GRSF1: variants seen among roughly 807,000 people sequenced by gnomAD.
The protein encoded by GRSF1 is G-rich sequence factor 1.
A neutral mutation model predicts 51.1 loss-of-function variants in GRSF1; 50 were observed. The ratio of observed to expected loss-of-function variants is 0.98; its 90% CI spans 0.78 to 1.24. The LOEUF is 1.24. GRSF1 is among the 50% of genes most tolerant of loss of function. The pLI is 0.00. For missense variants in GRSF1, 700 were observed against 639.7 expected, an observed-to-expected ratio of 1.09 and a Z score of -1.02; for synonymous variants, 293 against 253.3, an observed-to-expected ratio of 1.16 and a Z score of -1.49.
At position 70,825,280 on chromosome 4, in the gene GRSF1, C is replaced by A; in HGVS notation, c.1393+16G>T. 2 of 1,577,294 alleles carry A rather than the reference C, an allele frequency of 1.3e-6. No individual in the cohort carries two copies. Among genetic ancestry groups the A allele is most frequent in the Non-Finnish European group, 8.6e-7 (1 of 1,156,372 alleles). ...AAGCATCAAAAATGACAACAAAAGC[C>A]AAAGGCAGGACTTACGAACGTGGGA... On this transcript the variant is annotated intron_variant, in intron 8 of 9. Transcript: ENST00000254799.
At chr4:70,827,817 G>C (rs776405577) in intron 6 of GRSF1, 35 bp downstream of exon 6, 4 of 1,436,190 alleles carry the variant, frequency 2.8e-6, no homozygotes, top group Non-Finnish European at 3.8e-6. Context: ...ATTCAAGATA[G>C]ACCCAATGAG....
chr4:70,827,886 T>C lies in GRSF1; in HGVS notation c.1101A>G (p.Gln367=). 1.2e-6 allele frequency: 2 copies of C among 1,613,286 alleles called. No homozygotes were observed. The highest frequency in any genetic ancestry group is 1.7e-6 in the Non-Finnish European group (2 of 1,179,518). Reference sequence around the variant, plus strand: ...TCTCACTTTCAAAAGCTGTCATGGGTTGAATATCCTCATTTACTTCATGTT... The same window carrying C: ...TCTCACTTTCAAAAGCTGTCATGGGCTGAATATCCTCATTTACTTCATGTT... ...FEEHEVNEDI[Q]PMTAFESEKE... is the part of the protein sequence containing the mutation. Residue 367 remains glutamine (Q), a synonymous_variant, in exon 6 of 10, where the codon CAA becomes CAG. Transcript: ENST00000254799.
At chr4:70,831,508 C>T (rs766278336) in intron 5 of GRSF1, 31 bp downstream of exon 5, 3 of 1,595,774 alleles carry the variant, frequency 1.9e-6, no homozygotes, top group East Asian at 4.5e-5. Flanking sequence ...ATGTGTAACA[C>T]TTCTGCATCA....
In GRSF1 at chr4:70,819,473, A is replaced by C. The variant is rs1733426756; in HGVS notation, c.*1414T>G. ...ACTTATATTAATATAGCAGGACTTGAGGTAATAATATATTCAGTTGACTCA... is the reference window on the plus strand; with the variant it reads ...ACTTATATTAATATAGCAGGACTTGCGGTAATAATATATTCAGTTGACTCA... On this transcript the variant is annotated 3_prime_UTR_variant, in exon 10 of 10. Coordinates refer to ENST00000254799, the MANE Select transcript of GRSF1 (RefSeq NM_002092.4). 1 of 152,206 alleles carries C rather than the reference A, an allele frequency of 6.6e-6. No individual in the cohort carries two copies. Among genetic ancestry groups the C allele is most frequent in the African/African-American group, 2.4e-5 (1 of 41,454 alleles). 9.4% of individuals were successfully genotyped at this position (152,206 alleles called of 1,614,324 possible).
intron 2 of GRSF1, among the ~76,000 whole-genome samples, chr4:70,834,712 C>T (rs1297249987): frequency 6.6e-6 from 1 of 152,118 alleles, no homozygotes; most frequent in African/African-American, 2.4e-5. Flanking sequence ...ACCTCCGCCT[C>T]CCAGATTCAA....
rs1008567701 is a variant in GRSF1, at chr4:70,820,047, T to C, written c.*840A>G. 1 of 152,362 alleles carries C rather than the reference T, an allele frequency of 6.6e-6. No homozygotes were observed. Among genetic ancestry groups the C allele is most frequent in the Non-Finnish European group, 1.5e-5 (1 of 68,028 alleles). The allele number at this position is 152,362 out of a possible 1,614,324, so 9.4% of individuals were successfully genotyped here. Reference sequence around the variant, plus strand: ...TTTCCTATCTAGAGCTGGTTTAAATTCAAGTGAAGCCATTAATTTTCTTAC... The same window carrying C: ...TTTCCTATCTAGAGCTGGTTTAAATCCAAGTGAAGCCATTAATTTTCTTAC... On this transcript the variant is annotated 3_prime_UTR_variant, in exon 10 of 10. Coordinates refer to ENST00000254799, the MANE Select transcript of GRSF1 (RefSeq NM_002092.4).
At chr4:70,832,055 GAA>G (rs1188209848) in intron 4 of GRSF1, among the ~76,000 whole-genome samples, 1 of 151,950 alleles carries the variant, frequency 6.6e-6, no homozygotes, top group African/African-American at 2.4e-5. Context: ...ACTATTATGA[GAA>G]GTTATTTCCT....
At chr4:70,841,125 G>T (rs1180358090), upstream of GRSF1, among the ~76,000 whole-genome samples, 5 of 152,006 alleles carry the variant, frequency 3.3e-5, no homozygotes, top group Non-Finnish European at 5.9e-5. Flanking sequence ...GGGAGACCCC[G>T]TCTATACAAA....
chr4:70,842,965 G>A (rs1024354654), upstream of GRSF1, among the ~76,000 whole-genome samples: 31 of 152,004 alleles, frequency 2.0e-4, no homozygotes, highest in African/African-American at 5.8e-4. Flanking sequence ...CCCTAAAACC[G>A]GAGCCCACAA....
chr4:70,840,740 G>A (rs1254921517), upstream of GRSF1, among the ~76,000 whole-genome samples: 2 of 152,158 alleles, frequency 1.3e-5, no homozygotes, highest in Non-Finnish European at 2.9e-5. Flanking sequence ...TGCAGCCTGG[G>A]CGACAGAGTG....
intron 2 of GRSF1, among the ~76,000 whole-genome samples, chr4:70,834,863 T>G (rs1391367542): frequency 6.6e-6 from 1 of 152,040 alleles, no homozygotes; most frequent in Non-Finnish European, 1.5e-5. Context: ...GACCTCGTGA[T>G]CCGCCCGCCT....
chr4:70,816,574 A>G lies in GRSF1; in HGVS notation c.*4313T>C, dbSNP rs2148831061. ...CCCCATCTCTACTAAAAATACAAAA[A>G]TTAGTCAGGCGTGGTGGTGCACATC... On this transcript the variant is annotated 3_prime_UTR_variant, in exon 10 of 10. Transcript: ENST00000254799. 6.7e-6 allele frequency: 1 copy of G among 148,742 alleles called. No individual in the cohort carries two copies. The highest frequency in any genetic ancestry group is 1.5e-5 in the Non-Finnish European group (1 of 67,022). The allele number at this position is 148,742 out of a possible 1,614,324, so 9.2% of individuals were successfully genotyped here.
At chr4:70,822,944 A>T (rs1178246022) in intron 9 of GRSF1, among the ~76,000 whole-genome samples, 2 of 152,070 alleles carry the variant, frequency 1.3e-5, no homozygotes, top group African/African-American at 4.8e-5. Flanking sequence ...AAAATACAAA[A>T]AAATTAGCCA....
In GRSF1 at chr4:70,825,322, G is replaced by A. The variant is rs775508165; in HGVS notation, c.1367C>T (p.Ala456Val). 20 of 1,608,490 alleles carry A rather than the reference G, an allele frequency of 1.2e-5. No individual in the cohort carries two copies. Among genetic ancestry groups the A allele is most frequent in the East Asian group, 6.7e-5 (3 of 44,854 alleles). The change falls in exon 8 of 10, where the codon GCG (alanine) becomes GTG (valine). Residue 456 changes from alanine to valine, a missense_variant. Coordinates refer to ENST00000254799, the MANE Select transcript of GRSF1 (RefSeq NM_002092.4). ...HFETHEDAVAAMLKDRSHVHH... is the reference protein window; with the variant it reads ...HFETHEDAVAVMLKDRSHVHH... Reference sequence around the variant, plus strand: ...AACGTGGGACCGATCCTTGAGCATCGCTGCAACAGCATCCTCATGGGTCTC... The same window carrying A: ...AACGTGGGACCGATCCTTGAGCATCACTGCAACAGCATCCTCATGGGTCTC...
rs890654173 is a variant in GRSF1 at position 70,839,658 on chromosome 4, G to A, written c.170C>T (p.Ala57Val). 1.8e-5 allele frequency: 25 copies of A among 1,397,110 alleles called. No homozygotes were observed. Among genetic ancestry groups the A allele is most frequent in the Non-Finnish European group, 2.3e-5 (25 of 1,088,916 alleles). 86.5% of individuals were successfully genotyped at this position (1,397,110 alleles called of 1,614,324 possible). ...RRLLLLLGAA[A>V]AAASQTRGLQ... ...GCCACGCGTCTGGGAGGCAGCGGCC[G>A]CGGCGGCCCCGAGCAGCAGCAGCAG... Residue 57 changes from alanine (A) to valine (V), a missense_variant, in exon 1 of 10, where the codon GCG becomes GTG. Transcript: ENST00000254799.
chr4:70,824,364 A>G lies in GRSF1; in HGVS notation c.1398T>C (p.His466=). 1 of 1,439,550 alleles carries G rather than the reference A, an allele frequency of 6.9e-7. No individual in the cohort carries two copies. Among genetic ancestry groups the G allele is most frequent in the Non-Finnish European group, 9.7e-7 (1 of 1,033,404 alleles). The allele number at this position is 1,439,550 out of a possible 1,614,324, so 89.2% of individuals were successfully genotyped here. A position where few individuals can be genotyped will look rare whatever the true frequency, so the allele number is the denominator to read the frequency against. Residue 466 remains histidine, a synonymous_variant, in exon 9 of 10, where the codon CAT becomes CAC. Transcript: ENST00000254799. ...AATTCAGGAACAGTTCAATATACCT[A>G]TGATCTGAGGATAATGAGAAAGATT... ...AMLKDRSHVH[H]RYIELFLNSC...
At position 70,827,962 on chromosome 4, in the gene GRSF1, G is replaced by A; in HGVS notation, c.1025C>T (p.Ala342Val). The change falls in exon 6 of 10, where the codon GCA (alanine) becomes GTA (valine). Residue 342 changes from alanine (A) to valine (V), a missense_variant. Coordinates refer to ENST00000254799, the MANE Select transcript of GRSF1 (RefSeq NM_002092.4). The stretch of plus-strand genomic sequence containing the variant: ...TATATACTTAGCAGTAGGAAAAGAT[G>A]CGATTTTCTTTCCCTTATAAGAACC... ...HVGSYKGKKI[A>V]SFPTAKYITE... is the part of the protein sequence containing the mutation. The A allele has an allele frequency of 1.2e-6, 2 of 1,611,812 alleles. No homozygotes were observed. The highest frequency in any genetic ancestry group is 2.7e-5 in the African/African-American group (2 of 75,004).
Position 70,836,225 on chromosome 4 carries a change from G to A in GRSF1, c.447C>T (p.Val149=). 2 of 1,610,288 alleles carry A rather than the reference G, an allele frequency of 1.2e-6. No individual in the cohort carries two copies. Among genetic ancestry groups the A allele is most frequent in the South Asian group, 2.2e-5 (2 of 90,344 alleles). Residue 149 remains valine, a synonymous_variant, in exon 2 of 10, where the codon GTC becomes GTT. Coordinates refer to ENST00000254799, the MANE Select transcript of GRSF1 (RefSeq NM_002092.4). ...PSKLEEEVDD[V]FLIRAQGLPW... ...GCAGTCCTTGAGCTCGAATGAGAAA[G>A]ACATCATCCACTTCCTCTTCTAACT...
At position 70,819,110 on chromosome 4, in the gene GRSF1, C is replaced by T. The variant is rs1444831724; in HGVS notation, c.*1777G>A. The T allele has an allele frequency of 6.6e-6, 1 of 152,146 alleles. No homozygotes were observed. Among genetic ancestry groups the T allele is most frequent in the African/African-American group, 2.4e-5 (1 of 41,434 alleles). The allele number at this position is 152,146 out of a possible 1,614,324, so 9.4% of individuals were successfully genotyped here. A position where few individuals can be genotyped will look rare whatever the true frequency, so the allele number is the denominator to read the frequency against. ...GTGCCAAGAAGATATATCCTTTCAA[C>T]CTTACCCATCCATCATATAGCATTT... On this transcript the variant is annotated 3_prime_UTR_variant, in exon 10 of 10. Coordinates refer to ENST00000254799, the MANE Select transcript of GRSF1 (RefSeq NM_002092.4).
Sources: allele counts gnomAD v4.1 joint callset (sites outside exome capture counted in the v4.1 genomes callset), GRCh38; gene constraint gnomAD v4.1.1; transcripts MANE v1.5; gene names NCBI Gene and HGNC (gene_info 2026-07-23, HGNC 2026-07-21).